TNIK: variants seen among roughly 807,000 people sequenced by gnomAD.
The protein encoded by TNIK is TRAF2 and NCK-interacting protein kinase.
Under a neutral mutation model 191.3 loss-of-function variants are expected in TNIK, and 49 were observed. That is an observed-to-expected ratio of 0.26 (90% CI 0.20 to 0.32). The LOEUF (loss-of-function observed/expected upper bound fraction) is 0.32. Ranked by LOEUF, TNIK falls within the 10% of genes least tolerant of loss-of-function variation. TNIK has a pLI of 1.00. For missense variants in TNIK, 1,155 were observed against 1,702.3 expected (o/e 0.68, Z 5.66); for synonymous variants, 594 against 600.9 (o/e 0.99, Z 0.17).
chr3:171,343,765 A>G (rs747751529), intron 2 of TNIK, among the ~76,000 whole-genome samples: 43 of 152,198 alleles, frequency 2.8e-4, no homozygotes, highest in Non-Finnish European at 2.5e-4. Context: ...TTCTTCTCCA[A>G]TGATTCTTTT....
chr3:171,081,547 T>C (rs1159110959), intron 27 of TNIK, among the ~76,000 whole-genome samples: 1 of 147,424 alleles, frequency 6.8e-6, no homozygotes, highest in Non-Finnish European at 1.5e-5. Flanking sequence ...AGCAAGTTGG[T>C]TCCATACTAG....
At chr3:171,129,984 T>G (rs1414379833) in intron 15 of TNIK, among the ~76,000 whole-genome samples, 1 of 152,220 alleles carries the variant, frequency 6.6e-6, no homozygotes, top group Non-Finnish European at 1.5e-5. Flanking sequence ...ACCAGGACAA[T>G]GCAACCATTC....
chr3:171,224,852 C>G (rs2108975547), intron 3 of TNIK, among the ~76,000 whole-genome samples: 1 of 152,242 alleles, frequency 6.6e-6, no homozygotes, highest in South Asian at 2.1e-4. Flanking sequence ...TCAAGGCCTA[C>G]TCTGAGTTTA....
At chr3:171,369,011 T>G (rs1716132089) in intron 2 of TNIK, among the ~76,000 whole-genome samples, 1 of 152,018 alleles carries the variant, frequency 6.6e-6, no homozygotes, top group South Asian at 2.1e-4. Context: ...TAGATTATAC[T>G]TGGGGAAAAT....
intron 9 of TNIK, among the ~76,000 whole-genome samples, chr3:171,173,112 C>T (rs13074413): frequency 0.062 from 9,382 of 151,164 alleles, 415 homozygotes; most frequent in Middle Eastern, 0.11. Context: ...TGGCCAGGCG[C>T]GGTGGCTCAC....
chr3:171,290,730 A>G (rs1751591404), intron 2 of TNIK, among the ~76,000 whole-genome samples: 1 of 152,228 alleles, frequency 6.6e-6, no homozygotes, highest in Non-Finnish European at 1.5e-5. Flanking sequence ...AATCCTCATC[A>G]CCATAATGAC....
intron 2 of TNIK, among the ~76,000 whole-genome samples, chr3:171,253,615 T>C (rs1746521124): frequency 9.5e-6 from 1 of 105,342 alleles, no homozygotes; most frequent in African/African-American, 3.7e-5. Context: ...CCCCCAGTTA[T>C]CTCAAATGTC....
chr3:171,137,913 T>G (rs1435754738), intron 15 of TNIK, among the ~76,000 whole-genome samples: 2 of 149,306 alleles, frequency 1.3e-5, no homozygotes, highest in South Asian at 2.1e-4. Flanking sequence ...AGAAAAAAGG[T>G]TTTTTCTATC....
chr3:171,148,708 T>G (rs1161800489), intron 12 of TNIK, among the ~76,000 whole-genome samples: 1 of 152,222 alleles, frequency 6.6e-6, no homozygotes, highest in East Asian at 1.9e-4. Context: ...CTGGTAACAT[T>G]TGTGGGAAAA....
At chr3:171,138,527 G>T in intron 14 of TNIK, 148 bp from the exon 15 acceptor site, 1 of 725,916 alleles carries the variant, frequency 1.4e-6, no homozygotes, top group South Asian at 2.8e-5. Context: ...AGGATGTCAG[G>T]ATGTGCCACA....
intron 4 of TNIK, among the ~76,000 whole-genome samples, chr3:171,206,330 T>C (rs1740080155): frequency 7.4e-6 from 1 of 135,960 alleles, no homozygotes; most frequent in Admixed American, 7.5e-5. Context: ...GATATATATG[T>C]TCGTGTATAT....
intron 2 of TNIK, among the ~76,000 whole-genome samples, chr3:171,240,142 T>C (rs1449412734): frequency 2.6e-5 from 4 of 152,212 alleles, no homozygotes; most frequent in Non-Finnish European, 4.4e-5. Flanking sequence ...GTGAAATTCT[T>C]CTTTCCACCA....
In TNIK at chr3:171,138,125, C is replaced by A. The variant is rs1411351855; in HGVS notation, c.1608+66G>T. On this transcript the variant is annotated intron_variant, in intron 15 of 32. Transcript: ENST00000436636. ...GCAGCACTGGGTTAACTCTCCACTTCTATCACACAAACTCATTAGAGTCAA... is the reference window on the plus strand; with the variant it reads ...GCAGCACTGGGTTAACTCTCCACTTATATCACACAAACTCATTAGAGTCAA... 2.1e-6 allele frequency: 3 copies of A among 1,430,478 alleles called. No homozygotes were observed. In the African/African-American group the frequency reaches 4.3e-5, roughly 20 times the overall value. 88.6% of individuals were successfully genotyped at this position (1,430,478 alleles called of 1,614,324 possible). A position where few individuals can be genotyped will look rare whatever the true frequency, so the allele number is the denominator to read the frequency against.
intron 1 of TNIK, among the ~76,000 whole-genome samples, chr3:171,370,685 G>A (rs1208570956): frequency 1.3e-5 from 2 of 152,186 alleles, no homozygotes; most frequent in African/African-American, 4.8e-5. Context: ...GGGAGGTAGG[G>A]TATGGTATGG....
At chr3:171,204,203 C>T (rs1739772384) in intron 4 of TNIK, among the ~76,000 whole-genome samples, 1 of 152,118 alleles carries the variant, frequency 6.6e-6, no homozygotes, top group Non-Finnish European at 1.5e-5. Flanking sequence ...AAAGGGCTCC[C>T]TTTTTTGATT....
At chr3:171,148,718 A>G (rs1033456674) in intron 12 of TNIK, among the ~76,000 whole-genome samples, 1 of 152,232 alleles carries the variant, frequency 6.6e-6, no homozygotes, top group Non-Finnish European at 1.5e-5. Context: ...TTGTGGGAAA[A>G]CATTATTAAT....
At chr3:171,359,766 G>C (rs1714695143) in intron 2 of TNIK, among the ~76,000 whole-genome samples, 1 of 152,178 alleles carries the variant, frequency 6.6e-6, no homozygotes, top group Non-Finnish European at 1.5e-5. Context: ...CAATACCACA[G>C]TTAATTGGTT....
chr3:171,249,151 C>G (rs570973597), intron 2 of TNIK, among the ~76,000 whole-genome samples: 1 of 152,162 alleles, frequency 6.6e-6, no homozygotes, highest in Non-Finnish European at 1.5e-5. Flanking sequence ...AGCTATTGAA[C>G]ATGGCAACAA....
intron 2 of TNIK, among the ~76,000 whole-genome samples, chr3:171,361,921 T>G (rs1038492444): frequency 6.6e-6 from 1 of 152,146 alleles, no homozygotes; most frequent in African/African-American, 2.4e-5. Flanking sequence ...AAGTTCCAAA[T>G]AGATCTATGG....
Sources: gnomAD v4.1 joint callset for allele counts (sites outside exome capture counted in the v4.1 genomes callset) on GRCh38, gnomAD v4.1.1 for gene constraint, MANE v1.5 for transcripts, NCBI Gene and HGNC (gene_info 2026-07-23, HGNC 2026-07-21) for gene names.